Variants in GGCX observed in about 807,000 individuals in gnomAD.
GGCX encodes vitamin K-dependent gamma-carboxylase.
Under a neutral mutation model 88.5 loss-of-function variants are expected in GGCX, and 63 were observed. The ratio of observed to expected loss-of-function variants is 0.71; its 90% CI spans 0.58 to 0.88. The LOEUF is 0.88. Among genes scored for constraint, GGCX ranks in the 40% least tolerant of loss-of-function variants. The probability of loss-of-function intolerance (pLI) is 0.00; values close to 1 mark genes in which losing one functional copy is unlikely to be tolerated. For missense variants in GGCX, 805 were observed against 932.9 expected (o/e 0.86, Z 1.79); for synonymous variants, 368 against 365.8 (o/e 1.01, Z -0.07).
Position 85,547,471 on chromosome 2 carries a change from G to C in GGCX, c.*2463C>G, listed in dbSNP as rs1480222082. 6.6e-6 allele frequency: 1 copy of C among 152,164 alleles called. No homozygotes were observed. The highest frequency in any genetic ancestry group is 1.5e-5 in the Non-Finnish European group (1 of 68,014). The allele number at this position is 152,164 out of a possible 1,614,324, so 9.4% of individuals were successfully genotyped here. Reference sequence around the variant, plus strand: ...ATCTTCCTTGGGAAAATTGGTCAGAGAGGTGGTATACTAACAGTTTGGGGA... The same window carrying C: ...ATCTTCCTTGGGAAAATTGGTCAGACAGGTGGTATACTAACAGTTTGGGGA... On this transcript the variant is annotated 3_prime_UTR_variant, in exon 15 of 15. Coordinates refer to ENST00000233838, the MANE Select transcript of GGCX (RefSeq NM_000821.7).
rs1558799721 is a variant in GGCX, at chr2:85,545,160, C to T, written c.*4774G>A. ...GCTTGTTTACATGCTTATTCCATGACTGCTTGCCCTAAGCAGAAAGTGCCT... is the reference window on the plus strand; with the variant it reads ...GCTTGTTTACATGCTTATTCCATGATTGCTTGCCCTAAGCAGAAAGTGCCT... On this transcript the variant is annotated 3_prime_UTR_variant, in exon 15 of 15. Transcript: ENST00000233838. 6.6e-6 allele frequency: 1 copy of T among 152,602 alleles called. No individual in the cohort carries two copies. The highest frequency in any genetic ancestry group is 1.5e-5 in the Non-Finnish European group (1 of 68,038). 9.5% of individuals were successfully genotyped at this position (152,602 alleles called of 1,614,324 possible).
At chr2:85,553,139 G>A in intron 8 of GGCX, 69 bp from the exon 9 acceptor site, 1 of 1,613,048 alleles carries the variant, frequency 6.2e-7, no homozygotes, top group South Asian at 1.1e-5. Context: ...TACCAAGAAG[G>A]GGCTGCAAAA....
intron 9 of GGCX, 125 bp from the exon 10 acceptor site, chr2:85,552,692 G>T: frequency 2.8e-6 from 3 of 1,082,506 alleles, no homozygotes; most frequent in Non-Finnish European, 2.8e-6. Context: ...AATGGAACTT[G>T]CCTTTGGGAA....
At position 85,561,147 on chromosome 2, in the gene GGCX, C is replaced by A. The variant is rs10172544; in HGVS notation, c.44-162G>T. Among the ~76,000 whole-genome samples, 62,150 of 152,044 alleles carry A rather than the reference C, an allele frequency of 0.41. 12,891 individuals carry two copies. Among genetic ancestry groups the A allele is most frequent in the African/African-American group, 0.47 (19,400 of 41,486 alleles). On this transcript the variant is annotated intron_variant, in intron 1 of 14. Coordinates refer to ENST00000233838, the MANE Select transcript of GGCX (RefSeq NM_000821.7). ...GGAAACATCCCTGCAGTGCAGCCCC[C>A]TCTCCACGATCCCCTAATGTCCCAG...
chr2:85,558,320 T>A, intron 4 of GGCX, 120 bp downstream of exon 4: 1 of 877,522 alleles, frequency 1.1e-6, no homozygotes, highest in Non-Finnish European at 1.9e-6. Flanking sequence ...TAGATCAAAG[T>A]GACCTTGTAA....
intron 13 of GGCX, 55 bp from the exon 14 acceptor site, chr2:85,550,805 T>C (rs1019885944): frequency 3.3e-5 from 53 of 1,588,412 alleles, no homozygotes; most frequent in Non-Finnish European, 4.5e-5. Context: ...TCTCTCCCCT[T>C]AGAACTCCTC....
rs1191445705 is a variant in GGCX, at chr2:85,553,344, C to T, written c.1043G>A (p.Ser348Asn). 6.2e-6 allele frequency: 10 copies of T among 1,614,252 alleles called. No homozygotes were observed. Among genetic ancestry groups the T allele is most frequent in the Non-Finnish European group, 8.5e-6 (10 of 1,180,040 alleles). ...QPSVSCVYKR[S>N]RGKSGQKPGL... ...TGGCTTCTGGCCACTTTTGCCCCGGCTCCTCTTATACACACAGGAAACACT... is the reference window on the plus strand; with the variant it reads ...TGGCTTCTGGCCACTTTTGCCCCGGTTCCTCTTATACACACAGGAAACACT... Residue 348 changes from serine (S) to asparagine (N), a missense_variant, in exon 8 of 15, where the codon AGC becomes AAC. Transcript: ENST00000233838.
rs1440227577 is a variant in GGCX, at chr2:85,544,740, T to C, written c.*5194A>G. 1 of 152,626 alleles carries C rather than the reference T, an allele frequency of 6.6e-6. No homozygotes were observed. Among genetic ancestry groups the C allele is most frequent in the African/African-American group, 2.4e-5 (1 of 41,440 alleles). The allele number at this position is 152,626 out of a possible 1,614,324, so 9.5% of individuals were successfully genotyped here. On this transcript the variant is annotated 3_prime_UTR_variant, in exon 15 of 15. Coordinates refer to ENST00000233838, the MANE Select transcript of GGCX (RefSeq NM_000821.7). ...TCCCAGGGTTTTAACTTTGTTTTAT[T>C]TTCAAAACCAGGTCCAATGAGCTTT...
intron 12 of GGCX, 137 bp from the exon 13 acceptor site, chr2:85,551,209 G>T: frequency 1.1e-6 from 1 of 896,870 alleles, no homozygotes; most frequent in Non-Finnish European, 1.8e-6. Flanking sequence ...TAGAATCCTG[G>T]ATGAGGCTCT....
chr2:85,558,631 G>C, intron 3 of GGCX, 26 bp from the exon 4 acceptor site: 1 of 1,584,744 alleles, frequency 6.3e-7, no homozygotes, highest in Non-Finnish European at 8.7e-7. Flanking sequence ...AGAGGATTAA[G>C]AGGTCAAGAG....
chr2:85,551,378 G>C lies in GGCX; in HGVS notation c.1740+102C>G, dbSNP rs963830268. 4.2e-6 allele frequency: 5 copies of C among 1,188,448 alleles called. No individual in the cohort carries two copies. In the African/African-American group the frequency reaches 4.5e-5, roughly 11 times the overall value. 73.6% of individuals were successfully genotyped at this position (1,188,448 alleles called of 1,614,324 possible). The stretch of plus-strand genomic sequence containing the variant: ...TCTCACTCTGTTGCTCAGGCTCACT[G>C]TGAATTCCTGGCTTCCCACCTCAGC... On this transcript the variant is annotated intron_variant, in intron 12 of 14. Transcript: ENST00000233838.
In GGCX at chr2:85,544,839, C is replaced by T. The variant is rs1240186938; in HGVS notation, c.*5095G>A. The T allele has an allele frequency of 6.6e-6, 1 of 152,568 alleles. No homozygotes were observed. Among genetic ancestry groups the T allele is most frequent in the Non-Finnish European group, 1.5e-5 (1 of 68,046 alleles). 9.5% of individuals were successfully genotyped at this position (152,568 alleles called of 1,614,324 possible). On this transcript the variant is annotated 3_prime_UTR_variant, in exon 15 of 15. Coordinates refer to ENST00000233838, the MANE Select transcript of GGCX (RefSeq NM_000821.7). The stretch of plus-strand genomic sequence containing the variant: ...GTGCTTTTGGCGGGGAGGAGGAAAT[C>T]CCTTCATACTTGAACGTTTTCTAAT...
In GGCX at chr2:85,550,675, A is replaced by G. The variant is rs1691900626; in HGVS notation, c.1964T>C (p.Leu655Pro). ...EVKGGPEPTP[L>P]VQTFLRRQQR... ...TTGGCGTCTAAGAAAGGTCTGAACC[A>G]GAGGTGTTGGCTCAGGGCCCCCTTT... is the stretch of plus-strand genomic sequence containing the variant. Residue 655 changes from leucine to proline, a missense_variant, in exon 14 of 15, where the codon CTG (leucine) becomes CCG (proline). Leu to Pro is a moderately conservative substitution (Grantham distance 98). Transcript: ENST00000233838. 2 of 1,614,074 alleles carry G rather than the reference A, an allele frequency of 1.2e-6. No individual in the cohort carries two copies. Among genetic ancestry groups the G allele is most frequent in the Non-Finnish European group, 1.7e-6 (2 of 1,179,914 alleles).
At position 85,552,786 on chromosome 2, in the gene GGCX, C is replaced by G. The variant is rs1263855857; in HGVS notation, c.1287+153G>C. 4 of 935,386 alleles carry G rather than the reference C, an allele frequency of 4.3e-6. No homozygotes were observed. The African/African-American group carries it at 6.5e-5, about 15-fold the overall frequency. 57.9% of individuals were successfully genotyped at this position (935,386 alleles called of 1,614,324 possible). ...AGGAAATGAATGCATTGCCCTATCT[C>G]AACCCACATAAAAGATAGTTCAATC... On this transcript the variant is annotated intron_variant, in intron 9 of 14. Coordinates refer to ENST00000233838, the MANE Select transcript of GGCX (RefSeq NM_000821.7).
At chr2:85,550,271 A>C in intron 14 of GGCX, 145 bp from the exon 15 acceptor site, 2 of 710,350 alleles carry the variant, frequency 2.8e-6, no homozygotes, top group Non-Finnish European at 5.0e-6. Flanking sequence ...TCCATCTCCC[A>C]GCTGGAAGGG....
At chr2:85,560,141 C>A (rs1475967616) in intron 2 of GGCX, among the ~76,000 whole-genome samples, 1 of 152,166 alleles carries the variant, frequency 6.6e-6, no homozygotes, top group African/African-American at 2.4e-5. Flanking sequence ...TCCAAGCACA[C>A]CATGCTGCGG....
chr2:85,560,770 TC>T, intron 2 of GGCX, 44 bp downstream of exon 2: 1 of 1,449,164 alleles, frequency 6.9e-7, no homozygotes, highest in Non-Finnish European at 9.7e-7. Flanking sequence ...AGATTGTCAT[TC>T]TCCACTCTCA....
At chr2:85,557,980 G>A (rs942587524) in intron 4 of GGCX, among the ~76,000 whole-genome samples, 1 of 152,050 alleles carries the variant, frequency 6.6e-6, no homozygotes, top group Non-Finnish European at 1.5e-5. Context: ...CCTCCTCCGA[G>A]AACAGCAATG....
intron 2 of GGCX, among the ~76,000 whole-genome samples, chr2:85,560,518 G>A (rs1227809554): frequency 6.6e-6 from 1 of 151,818 alleles, no homozygotes; most frequent in Non-Finnish European, 1.5e-5. Context: ...GAGGAGAATC[G>A]CTTTAACCCG....
Sources: allele counts gnomAD v4.1 joint callset (sites outside exome capture counted in the v4.1 genomes callset), GRCh38; gene constraint gnomAD v4.1.1; transcripts MANE v1.5; gene names NCBI Gene and HGNC (gene_info 2026-07-23, HGNC 2026-07-21).